Variants in DPYSL3 observed in about 807,000 individuals in gnomAD.
DPYSL3 encodes the protein dihydropyrimidinase like 3.
DPYSL3 carries 16 observed loss-of-function variants against 66.1 expected under a neutral mutation model. That is an observed-to-expected ratio of 0.24 (90% CI 0.16 to 0.37). The LOEUF is 0.37. Ranked by LOEUF, DPYSL3 falls within the 10% of genes least tolerant of loss-of-function variation. The pLI is 1.00. For missense variants in DPYSL3, 738 were observed against 916.2 expected (o/e 0.81, Z 2.51); for synonymous variants, 338 against 345.1 (o/e 0.98, Z 0.23).
At chr5:147,501,209 G>A (rs924219015) in intron 1 of DPYSL3, among the ~76,000 whole-genome samples, 3 of 152,120 alleles carry the variant, frequency 2.0e-5, no homozygotes, top group Admixed American at 1.3e-4. Context: ...AAGCCAATCT[G>A]AAAAGTCTAC....
intron 1 of DPYSL3, among the ~76,000 whole-genome samples, chr5:147,455,021 T>C (rs1752819682): frequency 6.6e-6 from 1 of 152,240 alleles, no homozygotes; most frequent in Admixed American, 6.5e-5. Flanking sequence ...ATTGTCAATC[T>C]TAATGTTCTA....
chr5:147,445,497 A>G (rs544320377), intron 1 of DPYSL3, among the ~76,000 whole-genome samples: 105 of 152,288 alleles, frequency 6.9e-4, no homozygotes, highest in African/African-American at 2.1e-3. Flanking sequence ...AAATATATCC[A>G]CTCATTCAGC....
intron 1 of DPYSL3, among the ~76,000 whole-genome samples, chr5:147,425,193 G>T (rs539681229): frequency 6.6e-6 from 1 of 152,298 alleles, no homozygotes; most frequent in Admixed American, 6.5e-5. Flanking sequence ...TCTTGCTTCT[G>T]CAATGTATTA....
At chr5:147,423,722 T>C (rs1194239463) in intron 2 of DPYSL3, among the ~76,000 whole-genome samples, 3 of 152,104 alleles carry the variant, frequency 2.0e-5, no homozygotes, top group Middle Eastern at 3.4e-3. Context: ...TGTTTGTTTG[T>C]TTGTTTTTGA....
chr5:147,453,691 A>C (rs1283583356), intron 1 of DPYSL3: 1 of 1,385,284 alleles, frequency 7.2e-7, no homozygotes, highest in African/African-American at 1.5e-5. Context: ...GGTGGAGTGA[A>C]TGGTGCGCTG....
At chr5:147,472,527 T>A (rs1378289671) in intron 1 of DPYSL3, 1 of 152,170 alleles carries the variant, frequency 6.6e-6, no homozygotes, top group Non-Finnish European at 1.5e-5. Flanking sequence ...ATGCCTCTGT[T>A]TGGGAAAAAA....
At chr5:147,481,585 T>C (rs1440758075) in intron 1 of DPYSL3, among the ~76,000 whole-genome samples, 1 of 152,232 alleles carries the variant, frequency 6.6e-6, no homozygotes, top group Non-Finnish European at 1.5e-5. Flanking sequence ...CACCAGAAAG[T>C]ATGTATTGCA....
At chr5:147,453,840 G>T in intron 1 of DPYSL3, 1 of 1,002,530 alleles carries the variant, frequency 1.0e-6, no homozygotes, top group Non-Finnish European at 1.3e-6. Context: ...GTTCACGCCC[G>T]GGTTTTGTTT....
In DPYSL3 at chr5:147,391,570, T is replaced by G. The variant is rs947521699; in HGVS notation, c.*2465A>C. 3.3e-5 allele frequency: 5 copies of G among 152,372 alleles called. No individual in the cohort carries two copies. Among genetic ancestry groups the G allele is most frequent in the Admixed American group, 6.5e-5 (1 of 15,282 alleles). 9.4% of individuals were successfully genotyped at this position (152,372 alleles called of 1,614,324 possible). ...ACGATCCAGCGTGCCTTCCTACACT[T>G]GCATGAGGTGCCAGTGAATTCGAAG... On this transcript the variant is annotated 3_prime_UTR_variant, in exon 14 of 14. Transcript: ENST00000343218.
chr5:147,420,333 T>C (rs2126317259), intron 2 of DPYSL3, among the ~76,000 whole-genome samples: 1 of 152,318 alleles, frequency 6.6e-6, no homozygotes, highest in South Asian at 2.1e-4. Flanking sequence ...TAACTAAGAA[T>C]TCAATAAATG....
At chr5:147,488,515 A>T (rs1002279268) in intron 1 of DPYSL3, among the ~76,000 whole-genome samples, 2 of 152,152 alleles carry the variant, frequency 1.3e-5, no homozygotes, top group African/African-American at 4.8e-5. Context: ...AAAAATTATC[A>T]TTACCAGCCT....
chr5:147,416,417 G>C (rs1378527349), intron 3 of DPYSL3, among the ~76,000 whole-genome samples: 2 of 152,288 alleles, frequency 1.3e-5, no homozygotes. Flanking sequence ...ACATAAACCT[G>C]ATACTGGGCC....
rs1376867895 is a variant in DPYSL3 at position 147,395,696 on chromosome 5, C to G, written c.1829G>C (p.Arg610Thr). The change falls in exon 13 of 14, where the codon AGG (arginine) becomes ACG (threonine). Residue 610 changes from arginine to threonine, a missense_variant. Physicochemically the swap from Arg to Thr is moderately conservative, Grantham distance 71 (BLOSUM62 -1). Transcript: ENST00000343218. ...RKMADLHAVPRGMYDGPVFDL... is the reference protein window; with the variant it reads ...RKMADLHAVPTGMYDGPVFDL... ...AAACACAGGCCCATCGTACATGCCC[C>G]TTGGGACGGCATGCAGGTCTGCCAT... 1 of 1,613,908 alleles carries G rather than the reference C, an allele frequency of 6.2e-7. No homozygotes were observed. Among genetic ancestry groups the G allele is most frequent in the Non-Finnish European group, 8.5e-7 (1 of 1,180,028 alleles).
chr5:147,509,757 G>A lies in DPYSL3; in HGVS notation c.102C>T (p.Tyr34=). ...CCTCCACGTTGCAGAACATGCCGCCGTATTTCTGCCGCGGGACCTGGTCCG... is the reference window on the plus strand; with the variant it reads ...CCTCCACGTTGCAGAACATGCCGCCATATTTCTGCCGCGGGACCTGGTCCG... The part of the protein sequence containing the change: ...GTTDQVPRQK[Y]GGMFCNVEGA... Residue 34 remains tyrosine (Y), a synonymous_variant, in exon 1 of 14, where the codon TAC becomes TAT. Transcript: ENST00000343218. The surrounding 1 kb of genome is among the most constrained non-coding windows in gnomAD (Gnocchi z 5.3). 6.5e-7 allele frequency: 1 copy of A among 1,536,018 alleles called. No individual in the cohort carries two copies. Among genetic ancestry groups the A allele is most frequent in the Non-Finnish European group, 8.7e-7 (1 of 1,146,818 alleles).
At chr5:147,449,398 A>G (rs1358949397) in intron 1 of DPYSL3, among the ~76,000 whole-genome samples, 1 of 152,214 alleles carries the variant, frequency 6.6e-6, no homozygotes, top group Non-Finnish European at 1.5e-5. Context: ...CCCAAATACC[A>G]CACACACAAC....
At chr5:147,479,211 G>T (rs1477428351) in intron 1 of DPYSL3, among the ~76,000 whole-genome samples, 1 of 152,158 alleles carries the variant, frequency 6.6e-6, no homozygotes, top group Non-Finnish European at 1.5e-5. Flanking sequence ...TACAATTACT[G>T]AAATGAGGGA....
At chr5:147,464,957 G>A (rs1438658564) in intron 1 of DPYSL3, among the ~76,000 whole-genome samples, 1 of 152,172 alleles carries the variant, frequency 6.6e-6, no homozygotes, top group Non-Finnish European at 1.5e-5. Flanking sequence ...CTAGCTCTTT[G>A]GGAGGGCAAA....
rs35272843 is a variant in DPYSL3 at position 147,452,438 on chromosome 5, T to TACACACAC, written c.382-27483_382-27476dup. 4.2e-3 allele frequency among the ~76,000 whole-genome samples: 591 copies of TACACACAC among 142,130 alleles called. 4 individuals carry two copies. The highest frequency in any genetic ancestry group is 0.014 in the East Asian group (69 of 4,826). 93.2% of individuals were successfully genotyped at this position (142,130 alleles called of 152,430 possible). ...ATGGAGTAGCCACCCATTCCCCCAC[T>TACACACAC]ACACACACACACACACACACACACA... On this transcript the variant is annotated intron_variant, in intron 1 of 13. Coordinates refer to ENST00000343218, the MANE Select transcript of DPYSL3 (RefSeq NM_001197294.2).
intron 1 of DPYSL3, among the ~76,000 whole-genome samples, chr5:147,449,823 G>A (rs78640391): frequency 2.0e-5 from 3 of 152,192 alleles, no homozygotes; most frequent in Admixed American, 1.3e-4. Flanking sequence ...AAGTTGTAAC[G>A]TATGTCAGAG....
Sources: allele counts gnomAD v4.1 joint callset (sites outside exome capture counted in the v4.1 genomes callset), GRCh38; gene constraint gnomAD v4.1.1; non-coding constraint Gnocchi (gnomAD v3.1); transcripts MANE v1.5; gene names NCBI Gene and HGNC (gene_info 2026-07-23, HGNC 2026-07-21).